OSBPL8: variants seen among roughly 807,000 people sequenced by gnomAD.
The protein encoded by OSBPL8 is oxysterol-binding protein-related protein 8.
Under a neutral mutation model 125.5 loss-of-function variants are expected in OSBPL8, and 59 were observed. That is an observed-to-expected ratio of 0.47 (90% CI 0.38 to 0.58). OSBPL8 has a LOEUF of 0.58. Ranked by LOEUF, OSBPL8 falls within the 20% of genes least tolerant of loss-of-function variation. The pLI is 0.00. For missense variants in OSBPL8, 758 were observed against 1,047.8 expected (o/e 0.72, Z 3.82); for synonymous variants, 330 against 338.9 (o/e 0.97, Z 0.29).
At position 76,370,360 on chromosome 12, in the gene OSBPL8, C is replaced by T. The variant is rs1407872779; in HGVS notation, c.2055-538G>A. Among the ~76,000 whole-genome samples the T allele has an allele frequency of 2.0e-5, 3 of 152,226 alleles. No individual in the cohort carries two copies. The East Asian group carries it at 5.8e-4, about 29-fold the overall frequency. On this transcript the variant is annotated intron_variant, in intron 19 of 23. Coordinates refer to ENST00000261183, the MANE Select transcript of OSBPL8 (RefSeq NM_020841.5). ...TTTAATGTATTGCTAGTGTTGAGAA[C>T]CACTGGTTTAACAGAAAAGACTACT...
chr12:76,419,785 A>G (rs188823644), intron 4 of OSBPL8, among the ~76,000 whole-genome samples: 12 of 152,286 alleles, frequency 7.9e-5, no homozygotes, highest in Non-Finnish European at 1.8e-4. Flanking sequence ...CTTTCTTCTA[A>G]TCTTTTGGTT....
chr12:76,472,908 A>G (rs1288311712), intron 2 of OSBPL8, among the ~76,000 whole-genome samples: 4 of 152,100 alleles, frequency 2.6e-5, no homozygotes. Flanking sequence ...GTGGAGGAGT[A>G]GAGTCTTCTC....
intron 3 of OSBPL8, among the ~76,000 whole-genome samples, 162 bp from the exon 4 acceptor site, chr12:76,451,150 T>G (rs949044935): frequency 7.9e-5 from 12 of 152,232 alleles, no homozygotes; most frequent in African/African-American, 2.7e-4. Context: ...CTTGTTTTCA[T>G]GTTGGTTTGT....
At chr12:76,458,232 C>T (rs1202964276) in intron 3 of OSBPL8, among the ~76,000 whole-genome samples, 3 of 152,100 alleles carry the variant, frequency 2.0e-5, no homozygotes, top group African/African-American at 7.2e-5. Context: ...TGTGATTGTG[C>T]CACTGCACTC....
chr12:76,471,719 G>T (rs757941669), intron 2 of OSBPL8, among the ~76,000 whole-genome samples: 2 of 152,162 alleles, frequency 1.3e-5, no homozygotes, highest in Non-Finnish European at 1.5e-5. Flanking sequence ...TCACAATTTT[G>T]TCAATCTTAT....
At chr12:76,420,965 A>C (rs917730036) in intron 4 of OSBPL8, among the ~76,000 whole-genome samples, 4 of 152,048 alleles carry the variant, frequency 2.6e-5, no homozygotes, top group Non-Finnish European at 4.4e-5. Flanking sequence ...TTTCTATAGA[A>C]ACAAATCCAT....
At chr12:76,450,283 C>G in intron 4 of OSBPL8, among the ~76,000 whole-genome samples, 1 of 152,078 alleles carries the variant, frequency 6.6e-6, no homozygotes, top group Non-Finnish European at 1.5e-5. Context: ...AAAGAACTTT[C>G]CAGGCCAAAA....
intron 4 of OSBPL8, among the ~76,000 whole-genome samples, chr12:76,416,873 T>A (rs1346533809): frequency 6.6e-6 from 1 of 152,190 alleles, no homozygotes; most frequent in African/African-American, 2.4e-5. Flanking sequence ...CTATCTTGTC[T>A]TCTATTTATT....
intron 2 of OSBPL8, among the ~76,000 whole-genome samples, chr12:76,473,820 C>T (rs1876474978): frequency 6.6e-6 from 1 of 152,200 alleles, no homozygotes; most frequent in African/African-American, 2.4e-5. Flanking sequence ...AGGTTCACCC[C>T]TGGAGCCAAA....
At chr12:76,406,186 C>T (rs1954255273) in intron 5 of OSBPL8, among the ~76,000 whole-genome samples, 1 of 152,052 alleles carries the variant, frequency 6.6e-6, no homozygotes, top group South Asian at 2.1e-4. Context: ...AATAATGGGG[C>T]ATTTATTTAT....
intron 1 of OSBPL8, among the ~76,000 whole-genome samples, chr12:76,504,725 A>G (rs1489032628): frequency 6.6e-6 from 1 of 152,218 alleles, no homozygotes; most frequent in African/African-American, 2.4e-5. Flanking sequence ...CCTTTGTAAA[A>G]CTAATGAAAA....
chr12:76,375,965 A>C (rs543828920), intron 16 of OSBPL8, among the ~76,000 whole-genome samples: 1 of 152,290 alleles, frequency 6.6e-6, no homozygotes, highest in South Asian at 2.1e-4. Context: ...TTCAATGTTA[A>C]TGAATCAATA....
chr12:76,449,516 A>G (rs1873121862), intron 4 of OSBPL8, among the ~76,000 whole-genome samples: 1 of 152,170 alleles, frequency 6.6e-6, no homozygotes, highest in African/African-American at 2.4e-5. Context: ...ACTTAGCATA[A>G]ATCAAGGCAG....
intron 16 of OSBPL8, among the ~76,000 whole-genome samples, chr12:76,376,428 G>A (rs374898694): frequency 6.6e-6 from 1 of 152,150 alleles, no homozygotes; most frequent in South Asian, 2.1e-4. Context: ...TGAGACTAGT[G>A]ACTTGGGGGA....
At chr12:76,419,797 T>C (rs1334051911) in intron 4 of OSBPL8, among the ~76,000 whole-genome samples, 3 of 152,230 alleles carry the variant, frequency 2.0e-5, no homozygotes, top group African/African-American at 7.2e-5. Context: ...CTTTTGGTTT[T>C]GGAAGTAGTC....
At chr12:76,407,222 C>G (rs541684132) in intron 5 of OSBPL8, among the ~76,000 whole-genome samples, 2 of 152,196 alleles carry the variant, frequency 1.3e-5, no homozygotes, top group East Asian at 3.9e-4. Context: ...TTCTGAAAAA[C>G]AAGAGAGTTG....
chr12:76,410,871 T>C (rs1162405718), intron 4 of OSBPL8, among the ~76,000 whole-genome samples: 1 of 152,190 alleles, frequency 6.6e-6, no homozygotes, highest in Non-Finnish European at 1.5e-5. Flanking sequence ...TCTTCTTTGC[T>C]CCTGCAGAAC....
intron 7 of OSBPL8, 102 bp from the exon 8 acceptor site, chr12:76,397,999 G>C (rs1003384467): frequency 1.1e-6 from 1 of 936,852 alleles, no homozygotes; most frequent in African/African-American, 1.7e-5. Flanking sequence ...TCCATAACAC[G>C]TACACTTTAA....
At chr12:76,356,757 A>G in intron 22 of OSBPL8, 29 bp from the exon 23 acceptor site, 2 of 1,445,264 alleles carry the variant, frequency 1.4e-6, no homozygotes, top group Non-Finnish European at 1.9e-6. Context: ...TGAAGTTGAA[A>G]CTATAAAAAT....
Sources: allele counts gnomAD v4.1 joint callset (sites outside exome capture counted in the v4.1 genomes callset), GRCh38; gene constraint gnomAD v4.1.1; transcripts MANE v1.5; gene names NCBI Gene and HGNC (gene_info 2026-07-23, HGNC 2026-07-21).